The following IL18R1 variants were observed in gnomAD, a reference collection of about 807,000 sequenced individuals.
IL18R1 encodes the protein interleukin-18 receptor 1.
A neutral mutation model predicts 48.5 loss-of-function variants in IL18R1; 40 were observed. The ratio of observed to expected loss-of-function variants is 0.82; its 90% CI spans 0.64 to 1.07. The LOEUF is 1.07. Among genes scored for constraint, IL18R1 ranks in the 50% least tolerant of loss-of-function variants. The pLI, the probability that IL18R1 is intolerant of heterozygous loss-of-function variation, is 0.00. For synonymous variants in IL18R1, 232 were observed against 225.9 expected (o/e 1.03, Z -0.24); for missense variants, 596 against 633.7 (o/e 0.94, Z 0.64).
chr2:102,375,732 G>A (rs139129183), intron 4 of IL18R1, among the ~76,000 whole-genome samples, 175 bp from the exon 5 acceptor site: 37 of 152,262 alleles, frequency 2.4e-4, no homozygotes, highest in African/African-American at 5.3e-4. Context: ...CAATGGGATC[G>A]CATTTAATTG....
intron 9 of IL18R1, among the ~76,000 whole-genome samples, chr2:102,393,114 A>C (rs536483876): frequency 6.6e-6 from 1 of 152,326 alleles, no homozygotes; most frequent in East Asian, 1.9e-4. Flanking sequence ...ACATCATAAG[A>C]AAATTATGCC....
chr2:102,359,464 AAAC>A (rs1678451131), intron 1 of IL18R1, among the ~76,000 whole-genome samples: 1 of 152,256 alleles, frequency 6.6e-6, no homozygotes, highest in South Asian at 2.1e-4. Flanking sequence ...GAGAGAAAGT[AAAC>A]AACAAGTTAG....
chr2:102,367,474 C>T lies in IL18R1; in HGVS notation c.59-351C>T, dbSNP rs568312702. Among the ~76,000 whole-genome samples, 155 of 152,162 alleles carry T rather than the reference C, an allele frequency of 1.0e-3. 1 individual carries two copies. Among genetic ancestry groups the T allele is most frequent in the African/African-American group, 3.3e-3 (135 of 41,522 alleles). On this transcript the variant is annotated intron_variant, in intron 2 of 10. Transcript: ENST00000233957. ...TATTTTGAGGTAGGTATGGCAGCAC[C>T]GTGACTTCTGTGGCTTTCCCTATGA...
At chr2:102,361,389 A>G (rs1042018966) in intron 1 of IL18R1, among the ~76,000 whole-genome samples, 2 of 152,172 alleles carry the variant, frequency 1.3e-5, no homozygotes, top group African/African-American at 4.8e-5. Context: ...TTTTTCCATA[A>G]GGATGTATGT....
In IL18R1 at chr2:102,366,511, C is replaced by T. The variant is rs553013138; in HGVS notation, c.59-1314C>T. 1.3e-3 allele frequency among the ~76,000 whole-genome samples: 200 copies of T among 152,330 alleles called. 1 individual carries two copies. Among genetic ancestry groups the T allele is most frequent in the Non-Finnish European group, 2.4e-3 (161 of 68,034 alleles). ...CAACTGTTCCAAACTGCCCTCCAAA[C>T]TGTTCCAACCTCTGCCTGTATGCAG... On this transcript the variant is annotated intron_variant, in intron 2 of 10. Transcript: ENST00000233957.
At chr2:102,377,440 G>A (rs1259054562) in intron 5 of IL18R1, among the ~76,000 whole-genome samples, 3 of 152,046 alleles carry the variant, frequency 2.0e-5, no homozygotes, top group South Asian at 2.1e-4. Flanking sequence ...TCAGCCTCCC[G>A]AGTAGCTGGG....
chr2:102,381,826 G>A, intron 6 of IL18R1, 144 bp downstream of exon 6: 1 of 636,210 alleles, frequency 1.6e-6, no homozygotes, highest in South Asian at 2.0e-5. Context: ...AGAAAAGAGT[G>A]CCATTTTTTG....
At position 102,359,682 on chromosome 2, in the gene IL18R1, C is replaced by T. The variant is rs77941326; in HGVS notation, c.-28-2951C>T. Among the ~76,000 whole-genome samples the T allele has an allele frequency of 9.1e-4, 139 of 152,036 alleles. 1 individual carries two copies. Among genetic ancestry groups the T allele is most frequent in the African/African-American group, 3.2e-3 (131 of 41,496 alleles). On this transcript the variant is annotated intron_variant, in intron 1 of 10. Transcript: ENST00000233957. ...TGCTCAGTGTGCTTCTGGGTGTGGTCGATAGATGCTGTCTTGTGCTATTGA... is the reference window on the plus strand; with the variant it reads ...TGCTCAGTGTGCTTCTGGGTGTGGTTGATAGATGCTGTCTTGTGCTATTGA...
At chr2:102,384,286 C>T (rs981296945) in intron 6 of IL18R1, among the ~76,000 whole-genome samples, 59 of 152,218 alleles carry the variant, frequency 3.9e-4, no homozygotes, top group African/African-American at 1.4e-3. Flanking sequence ...GCCTTTACAT[C>T]CTTTTACGCT....
chr2:102,378,424 A>G (rs17027037), intron 5 of IL18R1, among the ~76,000 whole-genome samples: 36,152 of 152,084 alleles, frequency 0.24, 4,758 homozygotes, highest in East Asian at 0.41. Context: ...GTTCTGCTGT[A>G]ATGACCATCT....
At chr2:102,381,754 G>A (rs1679933783) in intron 6 of IL18R1, 72 bp downstream of exon 6, 2 of 974,960 alleles carry the variant, frequency 2.1e-6, no homozygotes, top group Non-Finnish European at 3.3e-6. Context: ...GCGTAAATAT[G>A]ATTCATTATT....
chr2:102,379,857 T>C (rs1282874734), intron 5 of IL18R1, among the ~76,000 whole-genome samples: 1 of 152,140 alleles, frequency 6.6e-6, no homozygotes, highest in Non-Finnish European at 1.5e-5. Flanking sequence ...GTGACTTGCT[T>C]TGGGGAGAAT....
intron 2 of IL18R1, 66 bp from the exon 3 acceptor site, chr2:102,367,759 C>A: frequency 1.4e-6 from 2 of 1,478,254 alleles, no homozygotes; most frequent in Non-Finnish European, 9.1e-7. Context: ...ATTAGGAGAC[C>A]AAAAAAAGTT....
intron 7 of IL18R1, among the ~76,000 whole-genome samples, chr2:102,385,724 C>T (rs1263629589): frequency 6.6e-6 from 1 of 152,190 alleles, no homozygotes; most frequent in Non-Finnish European, 1.5e-5. Flanking sequence ...CAAAGTCTGG[C>T]TTCTTGCCCG....
At chr2:102,376,182 CT>C in intron 5 of IL18R1, 119 bp downstream of exon 5, 1 of 691,444 alleles carries the variant, frequency 1.4e-6, no homozygotes, top group East Asian at 3.0e-5. Context: ...GACCACACCA[CT>C]AGTTCAAATA....
At chr2:102,363,830 C>T (rs2105035071) in intron 2 of IL18R1, among the ~76,000 whole-genome samples, 1 of 152,300 alleles carries the variant, frequency 6.6e-6, no homozygotes, top group South Asian at 2.1e-4. Flanking sequence ...TGTCCAAACT[C>T]AAGACAGTTT....
intron 2 of IL18R1, among the ~76,000 whole-genome samples, chr2:102,364,071 G>A (rs1441309829): frequency 6.6e-6 from 1 of 152,162 alleles, no homozygotes; most frequent in Non-Finnish European, 1.5e-5. Flanking sequence ...CTGAGGAGGG[G>A]GGTGGTGTGG....
chr2:102,383,640 C>T (rs564736111), intron 6 of IL18R1, among the ~76,000 whole-genome samples: 107 of 152,104 alleles, frequency 7.0e-4, no homozygotes, highest in African/African-American at 2.3e-3. Flanking sequence ...TTAAACATCC[C>T]TTTACTACTA....
In IL18R1 at chr2:102,384,881, A is replaced by C. The variant is rs1438992958; in HGVS notation, c.692A>C (p.Lys231Thr). ...KLNHVAVELG[K>T]NVRLNCSALL... Reference sequence around the variant, plus strand: ...TTTAGTTGCCAACTTTTACCAGGAAAAAACGTAAGGCTCAACTGCTCTGCT... The same window carrying C: ...TTTAGTTGCCAACTTTTACCAGGAACAAACGTAAGGCTCAACTGCTCTGCT... The change falls in exon 7 of 11, where the codon AAA (lysine) becomes ACA (threonine). Residue 231 changes from lysine to threonine, a missense_variant. This residue lies in a region of IL18R1 where 360 missense variants were observed against 339.4 expected (regional missense o/e 1.06). Transcript: ENST00000233957. The C allele has an allele frequency of 1.2e-6, 2 of 1,606,440 alleles. No homozygotes were observed. Among genetic ancestry groups the C allele is most frequent in the Non-Finnish European group, 1.7e-6 (2 of 1,177,414 alleles).
Sources: gnomAD v4.1 joint callset for allele counts (sites outside exome capture counted in the v4.1 genomes callset) on GRCh38, gnomAD v4.1.1 for gene constraint, gnomAD v4.1.1 regional missense constraint, MANE v1.5 for transcripts, NCBI Gene and HGNC (gene_info 2026-07-23, HGNC 2026-07-21) for gene names.